Variants in MAP3K13 observed in about 807,000 individuals in gnomAD.
The protein encoded by MAP3K13 is mitogen-activated protein kinase kinase kinase 13.
MAP3K13 carries 52 observed loss-of-function variants against 104.0 expected under a neutral mutation model. The ratio of observed to expected loss-of-function variants is 0.50; its 90% CI spans 0.40 to 0.63. MAP3K13 has a LOEUF of 0.63. Among genes scored for constraint, MAP3K13 ranks in the 20% least tolerant of loss-of-function variants. The pLI is 0.00. For synonymous variants in MAP3K13, 394 were observed against 442.2 expected (o/e 0.89, Z 1.37); for missense variants, 914 against 1,218.5 (o/e 0.75, Z 3.72).
intron 10 of MAP3K13, among the ~76,000 whole-genome samples, chr3:185,468,647 T>G (rs1717598367): frequency 6.6e-6 from 1 of 152,266 alleles, no homozygotes; most frequent in South Asian, 2.1e-4. Flanking sequence ...TCTATCAGAA[T>G]GGCAGTCATT....
chr3:185,454,607 A>ATC (rs1387911346), intron 7 of MAP3K13, among the ~76,000 whole-genome samples: 7 of 72,838 alleles, frequency 9.6e-5, no homozygotes, highest in Admixed American at 8.4e-4. Flanking sequence ...TATATGAGAT[A>ATC]TATATGATAT....
At chr3:185,437,097 G>A (rs978691871) in intron 2 of MAP3K13, among the ~76,000 whole-genome samples, 1 of 151,770 alleles carries the variant, frequency 6.6e-6, no homozygotes, top group Non-Finnish European at 1.5e-5. Flanking sequence ...CACCGATAGT[G>A]GGTGATGGGG....
chr3:185,329,654 A>G (rs1393149655), intron 2 of MAP3K13, among the ~76,000 whole-genome samples: 1 of 152,200 alleles, frequency 6.6e-6, no homozygotes, highest in Non-Finnish European at 1.5e-5. Context: ...AGTTTCATAT[A>G]TGAAATTAGA....
chr3:185,416,204 C>T (rs1713762267), intron 1 of MAP3K13, among the ~76,000 whole-genome samples: 1 of 152,026 alleles, frequency 6.6e-6, no homozygotes, highest in South Asian at 2.1e-4. Flanking sequence ...CAACCCGTTC[C>T]CCTCTTCTTA....
chr3:185,349,036 A>G (rs1397429067), intron 2 of MAP3K13, among the ~76,000 whole-genome samples: 1 of 152,204 alleles, frequency 6.6e-6, no homozygotes, highest in Non-Finnish European at 1.5e-5. Flanking sequence ...GTGATTTCAA[A>G]GGCAGAGAAA....
Position 185,455,532 on chromosome 3 carries a change from A to ACATATATATGATATATAT in MAP3K13, c.1278+4137_1278+4138insCATATATATGATATATAT, listed in dbSNP as rs1473879835. 1.6e-3 allele frequency among the ~76,000 whole-genome samples: 51 copies of ACATATATATGATATATAT among 31,032 alleles called. 9 individuals are homozygous for ACATATATATGATATATAT. Among genetic ancestry groups the ACATATATATGATATATAT allele is most frequent in the South Asian group, 5.2e-3 (5 of 954 alleles). 20.4% of individuals were successfully genotyped at this position (31,032 alleles called of 152,430 possible). ...ATATGAGATATATATGATATATATG[A>ACATATATATGATATATAT]GATATATATGACATATATATGATAT... On this transcript the variant is annotated intron_variant, in intron 7 of 13. Transcript: ENST00000265026.
intron 1 of MAP3K13, chr3:185,417,409 TC>T (rs1331384918): frequency 1.5e-6 from 2 of 1,296,116 alleles, no homozygotes; most frequent in African/African-American, 3.0e-5. Context: ...TTTCTTTTTT[TC>T]CTCACTGCCT....
chr3:185,434,745 G>A (rs1198386691), intron 2 of MAP3K13, among the ~76,000 whole-genome samples: 3 of 152,098 alleles, frequency 2.0e-5, no homozygotes, highest in Non-Finnish European at 4.4e-5. Flanking sequence ...TGACTTTTCT[G>A]ATCTTTCTCT....
intron 2 of MAP3K13, among the ~76,000 whole-genome samples, chr3:185,335,061 G>A (rs1722432283): frequency 6.6e-6 from 1 of 151,526 alleles, no homozygotes. Context: ...AGCAATCTTG[G>A]GTTATGCAAA....
chr3:185,441,828 G>A (rs566761841), intron 3 of MAP3K13, among the ~76,000 whole-genome samples: 29 of 152,200 alleles, frequency 1.9e-4, no homozygotes, highest in African/African-American at 5.8e-4. Flanking sequence ...GATCACCTGA[G>A]GTCAGGAGTT....
chr3:185,401,052 C>A (rs1712781172), intron 1 of MAP3K13, among the ~76,000 whole-genome samples: 1 of 152,018 alleles, frequency 6.6e-6, no homozygotes, highest in Admixed American at 6.6e-5. Flanking sequence ...TGTTTGGGGG[C>A]TCTGCAGGTT....
intron 2 of MAP3K13, among the ~76,000 whole-genome samples, chr3:185,314,645 A>G (rs961370859): frequency 3.3e-5 from 5 of 151,652 alleles, no homozygotes; most frequent in African/African-American, 1.2e-4. Flanking sequence ...AAGAAACAAG[A>G]TCCCACTCTG....
chr3:185,308,633 C>A (rs1721388853), intron 2 of MAP3K13, among the ~76,000 whole-genome samples: 1 of 152,172 alleles, frequency 6.6e-6, no homozygotes, highest in South Asian at 2.1e-4. Flanking sequence ...TCTCAGTGGA[C>A]CCCAAGCATC....
At chr3:185,309,801 C>T (rs1042739954) in intron 2 of MAP3K13, among the ~76,000 whole-genome samples, 2 of 152,056 alleles carry the variant, frequency 1.3e-5, no homozygotes, top group Non-Finnish European at 2.9e-5. Flanking sequence ...TAGTGTGATC[C>T]GTGGGATACT....
chr3:185,361,933 T>A (rs10937215), upstream of MAP3K13, among the ~76,000 whole-genome samples: 110,395 of 152,224 alleles, frequency 0.73, 42,405 homozygotes, highest in Non-Finnish European at 0.86. Context: ...TGTGTAAAAT[T>A]ATCCTGAAAA....
intron 1 of MAP3K13, among the ~76,000 whole-genome samples, chr3:185,400,757 A>G (rs1228756825): frequency 6.6e-6 from 1 of 152,042 alleles, no homozygotes; most frequent in African/African-American, 2.4e-5. Flanking sequence ...AGCACTTCTA[A>G]TTATATTATC....
Position 185,450,811 on chromosome 3 carries a change from C to T in MAP3K13, c.1170-476C>T, listed in dbSNP as rs776366592. On this transcript the variant is annotated intron_variant, in intron 6 of 13. Transcript: ENST00000265026. The surrounding 1 kb of genome is among the most constrained non-coding windows in gnomAD (Gnocchi z 4.2). ...ATAAATTTAAAGAAATGTTAAGGGC[C>T]GGGTACGGTGGCTCACGCCTGTAAT... Among the ~76,000 whole-genome samples the T allele has an allele frequency of 1.3e-5, 2 of 152,064 alleles. No individual in the cohort carries two copies. Among genetic ancestry groups the T allele is most frequent in the African/African-American group, 2.4e-5 (1 of 41,408 alleles).
intron 1 of MAP3K13, among the ~76,000 whole-genome samples, chr3:185,411,057 C>T (rs1713414339): frequency 6.6e-6 from 1 of 152,046 alleles, no homozygotes; most frequent in Non-Finnish European, 1.5e-5. Flanking sequence ...ACAATGACTC[C>T]CCCTTCAAAG....
intron 1 of MAP3K13, among the ~76,000 whole-genome samples, chr3:185,388,234 A>G (rs1290757491): frequency 6.6e-6 from 1 of 152,098 alleles, no homozygotes; most frequent in African/African-American, 2.4e-5. Flanking sequence ...AGGCACCATA[A>G]CTTATGCCTG....
Sources: gnomAD v4.1 joint callset for allele counts (sites outside exome capture counted in the v4.1 genomes callset) on GRCh38, gnomAD v4.1.1 for gene constraint, Gnocchi (gnomAD v3.1) non-coding constraint, MANE v1.5 for transcripts, NCBI Gene and HGNC (gene_info 2026-07-23, HGNC 2026-07-21) for gene names.